The following ATP2B2 variants were observed in gnomAD, a reference collection of about 807,000 sequenced individuals.
The protein encoded by ATP2B2 is plasma membrane calcium-transporting ATPase 2.
A neutral mutation model predicts 120.0 loss-of-function variants in ATP2B2; 15 were observed. That is an observed-to-expected ratio of 0.12 (90% CI 0.08 to 0.19). ATP2B2 has a LOEUF of 0.19. ATP2B2 is among the 10% of genes least tolerant of loss of function. The pLI, the probability that ATP2B2 is intolerant of heterozygous loss-of-function variation, is 1.00. For missense variants in ATP2B2, 1,045 were observed against 1,719.8 expected (o/e 0.61, Z 6.94); for synonymous variants, 694 against 700.3 (o/e 0.99, Z 0.14).
At chr3:10,497,668 G>A (rs929739341) in intron 1 of ATP2B2, among the ~76,000 whole-genome samples, 1 of 152,190 alleles carries the variant, frequency 6.6e-6, no homozygotes. Context: ...CACACAGCAT[G>A]GAAATGGTGG....
intron 2 of ATP2B2, among the ~76,000 whole-genome samples, chr3:10,603,826 T>C (rs1456144988): frequency 6.6e-6 from 1 of 151,962 alleles, no homozygotes; most frequent in Non-Finnish European, 1.5e-5. Context: ...CTAAGCCCAA[T>C]AAATAGACTT....
chr3:10,414,396 G>A (rs913548251), intron 2 of ATP2B2, among the ~76,000 whole-genome samples: 7 of 152,200 alleles, frequency 4.6e-5, no homozygotes, highest in Admixed American at 1.3e-4. Context: ...CAGAGCAGGG[G>A]CTGCAAATTT....
chr3:10,696,526 G>C (rs1454094217), intron 1 of ATP2B2, among the ~76,000 whole-genome samples: 1 of 152,130 alleles, frequency 6.6e-6, no homozygotes. Flanking sequence ...CCTGGCGCAG[G>C]GTTTCCGCAG....
At chr3:10,345,361 G>A in intron 18 of ATP2B2, 23 bp downstream of exon 18, 3 of 1,613,586 alleles carry the variant, frequency 1.9e-6, no homozygotes, top group Non-Finnish European at 2.5e-6. Context: ...CCCAGGCTTT[G>A]GTGTGGTCTC....
intron 1 of ATP2B2, among the ~76,000 whole-genome samples, chr3:10,483,894 C>A (rs897179043): frequency 6.6e-6 from 1 of 151,944 alleles, no homozygotes; most frequent in Non-Finnish European, 1.5e-5. Context: ...GGCACAGGGC[C>A]GGGCACCCAG....
chr3:10,384,956 G>C (rs1444837975), intron 8 of ATP2B2, among the ~76,000 whole-genome samples: 1 of 152,230 alleles, frequency 6.6e-6, no homozygotes, highest in Non-Finnish European at 1.5e-5. Context: ...GCCATGCCAG[G>C]TGGGACGCTC....
At chr3:10,388,214 T>C in intron 6 of ATP2B2, 63 bp downstream of exon 6, 2 of 1,610,002 alleles carry the variant, frequency 1.2e-6, no homozygotes, top group Non-Finnish European at 1.7e-6. Context: ...AGTGAACAAA[T>C]AAACAAAAAA....
chr3:10,644,716 G>A (rs542483951), intron 1 of ATP2B2, among the ~76,000 whole-genome samples: 1 of 152,330 alleles, frequency 6.6e-6, no homozygotes, highest in African/African-American at 2.4e-5. Context: ...ACAGAATGAG[G>A]ATTGGTGGTT....
At chr3:10,602,345 G>A (rs905928145) in intron 2 of ATP2B2, among the ~76,000 whole-genome samples, 5 of 152,144 alleles carry the variant, frequency 3.3e-5, no homozygotes, top group Non-Finnish European at 4.4e-5. Context: ...GCTGGCCCTC[G>A]CTTTCCACAG....
chr3:10,654,779 TAAA>T (rs3030786), intron 1 of ATP2B2, among the ~76,000 whole-genome samples: 75 of 143,512 alleles, frequency 5.2e-4, no homozygotes, highest in African/African-American at 1.6e-3. Context: ...GGGAAGCTGG[TAAA>T]AAAAAAAAAA....
chr3:10,476,539 T>A (rs977233241), intron 1 of ATP2B2, among the ~76,000 whole-genome samples: 1 of 152,162 alleles, frequency 6.6e-6, no homozygotes, highest in African/African-American at 2.4e-5. Flanking sequence ...CCCAGTAAGG[T>A]AAAGCACTAG....
chr3:10,435,768 GGTCCTTC>G (rs1234427991), intron 2 of ATP2B2, among the ~76,000 whole-genome samples: 1 of 151,986 alleles, frequency 6.6e-6, no homozygotes, highest in African/African-American at 2.4e-5. Context: ...CTCCTGGCTG[GGTCCTTC>G]AGTTCACTGT....
chr3:10,417,786 G>C (rs988996725), intron 2 of ATP2B2, among the ~76,000 whole-genome samples: 2 of 152,172 alleles, frequency 1.3e-5, no homozygotes, highest in African/African-American at 4.8e-5. Context: ...GAAGGAGTGA[G>C]GGTTGATCAG....
intron 2 of ATP2B2, among the ~76,000 whole-genome samples, chr3:10,564,275 C>T (rs1392470410): frequency 6.6e-6 from 1 of 152,222 alleles, no homozygotes; most frequent in African/African-American, 2.4e-5. Flanking sequence ...TTGGCTTCAG[C>T]TCTTTTGTTC....
chr3:10,459,129 A>C (rs2064381576), intron 1 of ATP2B2, among the ~76,000 whole-genome samples: 1 of 152,234 alleles, frequency 6.6e-6, no homozygotes, highest in Non-Finnish European at 1.5e-5. Context: ...AATGCCCTAG[A>C]ATCAGGAAGG....
rs1196955653 is a variant in ATP2B2 at position 10,537,801 on chromosome 3, C to T, written c.-414-3668G>A. Reference sequence around the variant, plus strand: ...AAGTATAACATAGTTTTTAAAAATGCTCTTTATCAAGGTGAGGAAGTTTCT... The same window carrying T: ...AAGTATAACATAGTTTTTAAAAATGTTCTTTATCAAGGTGAGGAAGTTTCT... On this transcript the variant is annotated intron_variant, in intron 2 of 21. Transcript: ENST00000646379. Among the ~76,000 whole-genome samples, 5 of 152,160 alleles carry T rather than the reference C, an allele frequency of 3.3e-5. No homozygotes were observed. The East Asian group carries it at 7.7e-4, about 23-fold the overall frequency.
intron 1 of ATP2B2, among the ~76,000 whole-genome samples, chr3:10,492,940 C>T (rs1160706621): frequency 6.6e-6 from 1 of 152,190 alleles, no homozygotes; most frequent in Non-Finnish European, 1.5e-5. Context: ...CCTCTGCTCC[C>T]ACTACCTCCC....
At chr3:10,645,972 G>C (rs1410587787) in intron 1 of ATP2B2, among the ~76,000 whole-genome samples, 7 of 152,154 alleles carry the variant, frequency 4.6e-5, no homozygotes, top group Admixed American at 1.3e-4. Flanking sequence ...TTGATCCTGG[G>C]TGGGACCCCC....
intron 16 of ATP2B2, among the ~76,000 whole-genome samples, chr3:10,348,032 A>G (rs374435219): frequency 6.6e-6 from 1 of 151,790 alleles, no homozygotes; most frequent in East Asian, 1.9e-4. Flanking sequence ...CCTCCTCTGT[A>G]GGTTCTCAGC....
Sources: gnomAD v4.1 joint callset for allele counts (sites outside exome capture counted in the v4.1 genomes callset) on GRCh38, gnomAD v4.1.1 for gene constraint, MANE v1.5 for transcripts, NCBI Gene and HGNC (gene_info 2026-07-23, HGNC 2026-07-21) for gene names.